Variants in MESD observed in about 807,000 individuals in gnomAD.
MESD encodes the protein LRP chaperone MESD.
Under a neutral mutation model 12.9 loss-of-function variants are expected in MESD, and 7 were observed. The ratio of observed to expected loss-of-function variants is 0.54; its 90% CI spans 0.31 to 1.02. The LOEUF is 1.02. Among genes scored for constraint, MESD ranks in the 50% least tolerant of loss-of-function variants. The pLI is 0.05. For missense variants in MESD, 342 were observed against 296.7 expected, an observed-to-expected ratio of 1.15 and a Z score of -1.12; for synonymous variants, 126 against 115.6, an observed-to-expected ratio of 1.09 and a Z score of -0.58.
At chr15:80,969,127 C>T (rs952615421) in intron 3 of MESD, among the ~76,000 whole-genome samples, 4 of 152,206 alleles carry the variant, frequency 2.6e-5, no homozygotes, top group Non-Finnish European at 5.9e-5. Flanking sequence ...GAGGTCGAGG[C>T]TGCAGTGAGC....
chr15:80,981,103 A>G (rs753493490), intron 2 of MESD, among the ~76,000 whole-genome samples: 3 of 151,604 alleles, frequency 2.0e-5, no homozygotes, highest in Non-Finnish European at 2.9e-5. Flanking sequence ...GGATTACAGA[A>G]GTGAGTCACT....
At chr15:80,981,922 G>A (rs1426325745) in intron 2 of MESD, 28 bp downstream of exon 2, 1 of 1,429,216 alleles carries the variant, frequency 7.0e-7, no homozygotes. Flanking sequence ...CAGCCTATGA[G>A]TCTCTCAGCT....
intron 2 of MESD, among the ~76,000 whole-genome samples, chr15:80,980,811 A>G (rs1902553175): frequency 6.8e-6 from 1 of 147,922 alleles, no homozygotes; most frequent in South Asian, 2.1e-4. Flanking sequence ...TTTACCAACA[A>G]TAAATGCCCT....
At chr15:80,980,022 C>T (rs1435681818) in intron 2 of MESD, among the ~76,000 whole-genome samples, 3 of 152,204 alleles carry the variant, frequency 2.0e-5, no homozygotes, top group African/African-American at 4.8e-5. Flanking sequence ...CGTCCACACT[C>T]GAAAGGTCCC....
At chr15:80,960,520 T>G (rs1902067096) in intron 3 of MESD, among the ~76,000 whole-genome samples, 1 of 152,204 alleles carries the variant, frequency 6.6e-6, no homozygotes, top group South Asian at 2.1e-4. Flanking sequence ...GCTGTTAAAA[T>G]GAAATTCTAC....
chr15:80,973,857 G>C (rs1902344927), downstream of MESD, among the ~76,000 whole-genome samples: 1 of 151,868 alleles, frequency 6.6e-6, no homozygotes, highest in African/African-American at 2.4e-5. Context: ...CAAATTGTGT[G>C]CCTGGGGCAA....
chr15:80,985,050 G>A (rs967127438), intron 1 of MESD, among the ~76,000 whole-genome samples: 3 of 152,264 alleles, frequency 2.0e-5, no homozygotes, highest in Middle Eastern at 3.4e-3. Flanking sequence ...AGAACGAAGT[G>A]ATCTCCAAGG....
chr15:80,948,636 T>C, exon 5 of MESD: 2 of 932,870 alleles, frequency 2.1e-6, no homozygotes, highest in South Asian at 1.3e-5. Flanking sequence ...TCAGGCACCA[T>C]CAGTAGCTGA....
At chr15:80,981,035 A>G (rs1001720607) in intron 2 of MESD, among the ~76,000 whole-genome samples, 1 of 151,770 alleles carries the variant, frequency 6.6e-6, no homozygotes, top group Non-Finnish European at 1.5e-5. Flanking sequence ...CACGTTGGCC[A>G]GGATGATCTT....
At chr15:80,987,929 G>T (rs1157259441) in intron 1 of MESD, among the ~76,000 whole-genome samples, 1 of 152,168 alleles carries the variant, frequency 6.6e-6, no homozygotes, top group Non-Finnish European at 1.5e-5. Flanking sequence ...TTCAAAACCA[G>T]CCCAGCCAAC....
chr15:80,975,403 CA>C (rs1359379442), downstream of MESD, among the ~76,000 whole-genome samples: 2 of 151,662 alleles, frequency 1.3e-5, no homozygotes, highest in East Asian at 3.9e-4. Context: ...AACAAACAAA[CA>C]AACAAAAAAC....
intron 3 of MESD, among the ~76,000 whole-genome samples, chr15:80,956,196 T>A (rs1901980894): frequency 6.6e-6 from 1 of 151,550 alleles, no homozygotes; most frequent in South Asian, 2.1e-4. Context: ...TCTAAAAAAA[T>A]AATAATAAAA....
intron 3 of MESD, among the ~76,000 whole-genome samples, chr15:80,956,741 A>G (rs1245971625): frequency 1.3e-5 from 2 of 152,220 alleles, no homozygotes; most frequent in Admixed American, 1.3e-4. Context: ...AACCTGGGAT[A>G]TATGGTAATA....
Position 80,979,194 on chromosome 15 carries a change from C to T in MESD, c.*25G>A. 6.2e-7 allele frequency: 1 copy of T among 1,603,114 alleles called. No homozygotes were observed. The highest frequency in any genetic ancestry group is 1.1e-5 in the South Asian group (1 of 89,236). On this transcript the variant is annotated 3_prime_UTR_variant, in exon 3 of 3. Coordinates refer to ENST00000261758, the MANE Select transcript of MESD (RefSeq NM_015154.3). ...AGAGCTCTCCACGTCCACCTGTCCC[C>T]CCACAGCGCGTCACTGCTGCCCCAT...
intron 3 of MESD, among the ~76,000 whole-genome samples, chr15:80,965,319 A>G (rs1313856841): frequency 2.6e-5 from 4 of 152,234 alleles, no homozygotes; most frequent in Non-Finnish European, 5.9e-5. Flanking sequence ...ACTGGAGAGG[A>G]TGTGGAGAAA....
At chr15:80,957,191 T>C (rs961939867) in intron 3 of MESD, among the ~76,000 whole-genome samples, 2 of 152,050 alleles carry the variant, frequency 1.3e-5, no homozygotes, top group East Asian at 1.9e-4. Context: ...GTTATAATTA[T>C]AGGTTTAAGA....
chr15:80,987,124 T>C (rs1242535096), intron 1 of MESD, among the ~76,000 whole-genome samples: 2 of 152,190 alleles, frequency 1.3e-5, no homozygotes, highest in Non-Finnish European at 2.9e-5. Flanking sequence ...TCTACACCAA[T>C]TGGGACTCAG....
intron 3 of MESD, among the ~76,000 whole-genome samples, chr15:80,958,105 G>T (rs1902020976): frequency 6.6e-6 from 1 of 152,100 alleles, no homozygotes; most frequent in South Asian, 2.1e-4. Context: ...ATTTATAGCG[G>T]AATTTTGCTG....
intron 2 of MESD, among the ~76,000 whole-genome samples, chr15:80,981,425 AGACTCCGTCTC>A (rs1902574106): frequency 7.1e-6 from 1 of 141,070 alleles, no homozygotes; most frequent in Non-Finnish European, 1.5e-5. Flanking sequence ...CAACACAGTG[AGACTCCGTCTC>A]AAAAAAAAAA....
Sources: allele counts gnomAD v4.1 joint callset (sites outside exome capture counted in the v4.1 genomes callset), GRCh38; gene constraint gnomAD v4.1.1; transcripts MANE v1.5; gene names NCBI Gene and HGNC (gene_info 2026-07-23, HGNC 2026-07-21).